The following SLC5A10 variants were observed in gnomAD, a reference collection of about 807,000 sequenced individuals.
SLC5A10 encodes solute carrier family 5 member 10.
Under a neutral mutation model 68.9 loss-of-function variants are expected in SLC5A10, and 55 were observed. That is an observed-to-expected ratio of 0.80 (90% CI 0.64 to 1.00). SLC5A10 has a LOEUF of 1.00. Ranked by LOEUF, SLC5A10 falls within the 50% of genes least tolerant of loss-of-function variation. SLC5A10 has a pLI of 0.00. For missense variants in SLC5A10, 732 were observed against 819.3 expected, an observed-to-expected ratio of 0.89 and a Z score of 1.30; for synonymous variants, 344 against 344.8, an observed-to-expected ratio of 1.00 and a Z score of 0.02.
chr17:18,978,123 C>T, intron 9 of SLC5A10: 1 of 1,518,312 alleles, frequency 6.6e-7, no homozygotes, highest in Non-Finnish European at 8.8e-7. Context: ...CGGGCTAGTA[C>T]ATCTGCCACA....
chr17:19,021,708 T>C lies in SLC5A10; in HGVS notation c.*1277T>C, dbSNP rs1366093508. On this transcript the variant is annotated 3_prime_UTR_variant, in exon 15 of 15. Coordinates refer to ENST00000395645, the MANE Select transcript of SLC5A10 (RefSeq NM_001042450.4). The surrounding 1 kb of genome is among the most constrained non-coding windows in gnomAD (Gnocchi z 4.1). Reference sequence around the variant, plus strand: ...CCTCCACAGACTCCGCCCTGTGGTGTCACACAGCTGGCAGCCAATGGAAAG... The same window carrying C: ...CCTCCACAGACTCCGCCCTGTGGTGCCACACAGCTGGCAGCCAATGGAAAG... 1.2e-5 allele frequency: 5 copies of C among 404,592 alleles called. No individual in the cohort carries two copies. Among genetic ancestry groups the C allele is most frequent in the Non-Finnish European group, 2.2e-5 (5 of 230,190 alleles). The allele number at this position is 404,592 out of a possible 1,614,324, so 25.1% of individuals were successfully genotyped here.
intron 9 of SLC5A10, among the ~76,000 whole-genome samples, chr17:19,001,907 C>A (rs2043738966): frequency 6.6e-6 from 1 of 152,154 alleles, no homozygotes; most frequent in South Asian, 2.1e-4. Flanking sequence ...CACAGCAGGT[C>A]CCCCTACCCA....
intron 1 of SLC5A10, among the ~76,000 whole-genome samples, chr17:18,957,090 C>T (rs904074086): frequency 2.6e-5 from 4 of 151,980 alleles, no homozygotes; most frequent in South Asian, 2.1e-4. Context: ...TGAAGGTTGC[C>T]GTGAGCCAAG....
At position 19,015,197 on chromosome 17, in the gene SLC5A10, A is replaced by ACGGTACGGGTGTGGGGGC; in HGVS notation, c.1241+7_1241+8insTGTGGGGGCCGGTACGGG. 1.1e-6 allele frequency: 1 copy of ACGGTACGGGTGTGGGGGC among 907,518 alleles called. No individual in the cohort carries two copies. 56.2% of individuals were successfully genotyped at this position (907,518 alleles called of 1,614,324 possible). ...GCGAGCGGGAGCTCCTGCTGGTGGG[A>ACGGTACGGGTGTGGGGGC]CGGTACGGGGGTGGGGGCCAGTACG... On this transcript the variant is annotated inframe_insertion and splice_region_variant, in exon 11 of 15. Transcript: ENST00000395645.
Position 18,993,492 on chromosome 17 carries a change from GC to G in SLC5A10, c.982+16505del, listed in dbSNP as rs1020471894. On this transcript the variant is annotated intron_variant, in intron 9 of 14. Transcript: ENST00000395645. ...CCTTACACTCACCTCACCCTCCTAG[GC>G]CTCAGAGATCCCTAGAGGCGGCTCA... 6.8e-4 allele frequency among the ~76,000 whole-genome samples: 103 copies of G among 152,230 alleles called. 1 individual carries two copies. Among genetic ancestry groups the G allele is most frequent in the African/African-American group, 2.4e-3 (100 of 41,528 alleles).
At chr17:18,955,108 A>AAAAAAAAAC (rs1567774410) in intron 1 of SLC5A10, among the ~76,000 whole-genome samples, 1 of 122,228 alleles carries the variant, frequency 8.2e-6, no homozygotes, top group African/African-American at 2.9e-5. Flanking sequence ...AAAAAAAAAA[A>AAAAAAAAAC]AAGAATTCAG....
intron 8 of SLC5A10, among the ~76,000 whole-genome samples, chr17:18,974,426 G>A (rs575268311): frequency 4.6e-5 from 7 of 152,354 alleles, no homozygotes; most frequent in Admixed American, 1.3e-4. Context: ...CTGGGCTCCC[G>A]TCTGGGCTAT....
intron 9 of SLC5A10, among the ~76,000 whole-genome samples, chr17:19,005,502 C>G (rs1001615336): frequency 1.3e-5 from 2 of 152,166 alleles, no homozygotes; most frequent in Non-Finnish European, 2.9e-5. Flanking sequence ...CACCCCATCG[C>G]GTGCCGCAGC....
At chr17:19,020,113 C>CCCA in intron 13 of SLC5A10, 42 bp from the exon 14 acceptor site, 2 of 882,198 alleles carry the variant, frequency 2.3e-6, no homozygotes, top group Non-Finnish European at 3.7e-6. Flanking sequence ...CCCCACCCTG[C>CCCA]CATCCCCCAC....
chr17:18,969,768 C>A, intron 7 of SLC5A10: 1 of 272,916 alleles, frequency 3.7e-6, no homozygotes, highest in Non-Finnish European at 6.9e-6. Flanking sequence ...AACCAGGAGG[C>A]CATAAAACTG....
chr17:18,982,027 G>C (rs2043150723), intron 9 of SLC5A10, among the ~76,000 whole-genome samples: 1 of 152,214 alleles, frequency 6.6e-6, no homozygotes, highest in Non-Finnish European at 1.5e-5. Flanking sequence ...GCCAGCATCA[G>C]GACCCTTCTG....
rs180846047 is a variant in SLC5A10, at chr17:19,021,867, G to T, written c.*1436G>T. 1 of 1,318,752 alleles carries T rather than the reference G, an allele frequency of 7.6e-7. No individual in the cohort carries two copies. Among genetic ancestry groups the T allele is most frequent in the South Asian group, 1.7e-5 (1 of 59,496 alleles). 81.7% of individuals were successfully genotyped at this position (1,318,752 alleles called of 1,614,324 possible). ...AGTCCAAGGCCGTCCACTGAGCCCC[G>T]TGTGACTCTGACAGAGCTGGGGGTG... On this transcript the variant is annotated 3_prime_UTR_variant, in exon 15 of 15. Transcript: ENST00000395645. This position sits in a 1 kb window ranked among gnomAD's most constrained non-coding sequence, Gnocchi z 4.1.
In SLC5A10 at chr17:18,996,183, T is replaced by C. The variant is rs1020167929; in HGVS notation, c.983-17227T>C. ...GAATTTTATACCCAGTAAAAATACA[T>C]TTCAAAACAAAAGGCAAACTAAAGA... On this transcript the variant is annotated intron_variant, in intron 9 of 14. Coordinates refer to ENST00000395645, the MANE Select transcript of SLC5A10 (RefSeq NM_001042450.4). This position sits in a 1 kb window ranked among gnomAD's most constrained non-coding sequence, Gnocchi z 4.4. 9.9e-5 allele frequency among the ~76,000 whole-genome samples: 15 copies of C among 150,916 alleles called. No homozygotes were observed. The South Asian group carries it at 1.5e-3, about 15-fold the overall frequency.
rs902627688 is a variant in SLC5A10 at position 19,017,134 on chromosome 17, C to A, written c.1241+1935C>A. The A allele has an allele frequency of 4.4e-6, 3 of 679,736 alleles. No individual in the cohort carries two copies. Among genetic ancestry groups the A allele is most frequent in the African/African-American group, 1.8e-5 (1 of 55,396 alleles). The allele number at this position is 679,736 out of a possible 1,614,324, so 42.1% of individuals were successfully genotyped here. A position where few individuals can be genotyped will look rare whatever the true frequency, so the allele number is the denominator to read the frequency against. On this transcript the variant is annotated intron_variant, in intron 11 of 14. Transcript: ENST00000395645. This position sits in a 1 kb window ranked among gnomAD's most constrained non-coding sequence, Gnocchi z 5.6. ...CCCTGCAAGCCTGGCAGTCGGCCTC[C>A]CTGAGGAGCAAGGCACAAGGCTGCG... is the stretch of plus-strand genomic sequence containing the variant.
intron 8 of SLC5A10, 76 bp from the exon 9 acceptor site, chr17:18,976,778 G>A: frequency 6.4e-7 from 1 of 1,571,530 alleles, no homozygotes; most frequent in Admixed American, 1.7e-5. Context: ...CCCATTCCCT[G>A]AGGCCCACCA....
chr17:19,012,456 C>T (rs778106980), intron 9 of SLC5A10, among the ~76,000 whole-genome samples: 5 of 152,262 alleles, frequency 3.3e-5, no homozygotes, highest in East Asian at 1.9e-4. Flanking sequence ...AGGCAAACCC[C>T]GTCCTCTCAG....
At chr17:18,982,174 C>T (rs1285506649) in intron 9 of SLC5A10, among the ~76,000 whole-genome samples, 1 of 152,240 alleles carries the variant, frequency 6.6e-6, no homozygotes, top group Non-Finnish European at 1.5e-5. Flanking sequence ...TGACTCGAAG[C>T]AAGTCCCGGG....
Position 18,968,630 on chromosome 17 carries a change from T to C in SLC5A10, c.454-422T>C, listed in dbSNP as rs2042760317. On this transcript the variant is annotated intron_variant, in intron 5 of 14. Coordinates refer to ENST00000395645, the MANE Select transcript of SLC5A10 (RefSeq NM_001042450.4). This position sits in a 1 kb window ranked among gnomAD's most constrained non-coding sequence, Gnocchi z 4.1. ...TTCCTGGTCCGCCCAGCACACACTT[T>C]TCCTGAGGCCTACTGGTCCGCCCAG... Among the ~76,000 whole-genome samples the C allele has an allele frequency of 7.3e-6, 1 of 136,302 alleles. No homozygotes were observed. Among genetic ancestry groups the C allele is most frequent in the Non-Finnish European group, 1.5e-5 (1 of 67,864 alleles). The allele number at this position is 136,302 out of a possible 152,430, so 89.4% of individuals were successfully genotyped here.
intron 5 of SLC5A10, among the ~76,000 whole-genome samples, chr17:18,962,638 C>T (rs1196660953): frequency 2.6e-5 from 4 of 151,820 alleles, no homozygotes; most frequent in East Asian, 1.9e-4. Context: ...CCAGGTGGAG[C>T]GGGGGTGGTG....
Sources: gnomAD v4.1 joint callset for allele counts (sites outside exome capture counted in the v4.1 genomes callset) on GRCh38, gnomAD v4.1.1 for gene constraint, Gnocchi (gnomAD v3.1) non-coding constraint, MANE v1.5 for transcripts, NCBI Gene and HGNC (gene_info 2026-07-23, HGNC 2026-07-21) for gene names.